PRMT2: variants seen among roughly 807,000 people sequenced by gnomAD.
PRMT2 encodes protein arginine N-methyltransferase 2.
Under a neutral mutation model 57.6 loss-of-function variants are expected in PRMT2, and 26 were observed. The ratio of observed to expected loss-of-function variants is 0.45; its 90% CI spans 0.33 to 0.63. The LOEUF (loss-of-function observed/expected upper bound fraction) is 0.63, where lower values mean the gene tolerates loss of function less well. Ranked by LOEUF, PRMT2 falls within the 20% of genes least tolerant of loss-of-function variation. The probability of loss-of-function intolerance (pLI) is 0.02; values close to 1 mark genes in which losing one functional copy is unlikely to be tolerated. For synonymous variants in PRMT2, 219 were observed against 220.0 expected (o/e 1.00, Z 0.04); for missense variants, 472 against 564.4 (o/e 0.84, Z 1.66).
At chr21:46,636,635 A>G (rs1400398390) in intron 2 of PRMT2, 88 bp downstream of exon 2, 1 of 336,082 alleles carries the variant, frequency 3.0e-6, no homozygotes, top group African/African-American at 2.2e-5. Flanking sequence ...CACCTGATCT[A>G]ACAGAAACTA....
At chr21:46,653,430 G>A in intron 7 of PRMT2, 1 of 992,100 alleles carries the variant, frequency 1.0e-6, no homozygotes, top group Non-Finnish European at 1.2e-6. Context: ...CTCCCCCTCA[G>A]CAAGACTCTG....
chr21:46,658,971 A>G (rs2061580720), intron 8 of PRMT2, 51 bp downstream of exon 8: 1 of 1,579,956 alleles, frequency 6.3e-7, no homozygotes. Flanking sequence ...CTCCTGGTCC[A>G]CAGTCTGCAG....
chr21:46,659,025 T>A, intron 8 of PRMT2, 105 bp downstream of exon 8: 1 of 1,470,910 alleles, frequency 6.8e-7, no homozygotes. Flanking sequence ...GTTGGATAAA[T>A]GAGGGTACCT....
At chr21:46,637,821 C>T (rs868303113) in intron 3 of PRMT2, among the ~76,000 whole-genome samples, 9 of 151,838 alleles carry the variant, frequency 5.9e-5, no homozygotes, top group Middle Eastern at 3.4e-3. Flanking sequence ...AAAATACTGT[C>T]GGGTGTGTCT....
chr21:46,658,933 A>C lies in PRMT2; in HGVS notation c.830+13A>C. ...TCAGCGCTCTGAAGTAAGTGTCCAC[A>C]GCTGGGACTGGCACCGTCTTGTGGG... On this transcript the variant is annotated intron_variant, in intron 8 of 11. Coordinates refer to ENST00000355680, the MANE Select transcript of PRMT2 (RefSeq NM_206962.4). 1 of 1,607,782 alleles carries C rather than the reference A, an allele frequency of 6.2e-7. No individual in the cohort carries two copies. Among genetic ancestry groups the C allele is most frequent in the Non-Finnish European group, 8.5e-7 (1 of 1,175,168 alleles).
In PRMT2 at chr21:46,649,865, G is replaced by C. The variant is rs1417989401; in HGVS notation, c.654+126G>C. ...CATTTTGATGTTTTCCCTAATGTGA[G>C]GTCTAATTAATTTCTTGTGTGGACA... On this transcript the variant is annotated intron_variant, in intron 7 of 11. Transcript: ENST00000355680. This position sits in a 1 kb window ranked among gnomAD's most constrained non-coding sequence, Gnocchi z 4.8. 6.6e-7 allele frequency: 1 copy of C among 1,505,102 alleles called. No individual in the cohort carries two copies. The highest frequency in any genetic ancestry group is 2.5e-5 in the East Asian group (1 of 40,126). The allele number at this position is 1,505,102 out of a possible 1,614,324, so 93.2% of individuals were successfully genotyped here. A position where few individuals can be genotyped will look rare whatever the true frequency, so the allele number is the denominator to read the frequency against.
intron 7 of PRMT2, 91 bp from the exon 8 acceptor site, chr21:46,658,654 G>A (rs560980207): frequency 2.0e-4 from 314 of 1,556,104 alleles, no homozygotes; most frequent in Non-Finnish European, 2.5e-4. Flanking sequence ...CTGTAGAACT[G>A]TCAGACTAGT....
Position 46,648,663 on chromosome 21 carries a change from T to C in PRMT2, c.489+44T>C. The C allele has an allele frequency of 6.2e-7, 1 of 1,600,358 alleles. No homozygotes were observed. Among genetic ancestry groups the C allele is most frequent in the South Asian group, 1.1e-5 (1 of 90,534 alleles). ...GCATCCCGGGTGTTTGTGCCGAGGCTGGTGACGTCCGAGGTGGCCTCTGAG... is the reference window on the plus strand; with the variant it reads ...GCATCCCGGGTGTTTGTGCCGAGGCCGGTGACGTCCGAGGTGGCCTCTGAG... On this transcript the variant is annotated intron_variant, in intron 6 of 11. Coordinates refer to ENST00000355680, the MANE Select transcript of PRMT2 (RefSeq NM_206962.4). This position sits in a 1 kb window ranked among gnomAD's most constrained non-coding sequence, Gnocchi z 4.8.
intron 3 of PRMT2, among the ~76,000 whole-genome samples, chr21:46,640,516 A>C (rs1016051821): frequency 7.0e-5 from 10 of 141,876 alleles, no homozygotes; most frequent in African/African-American, 2.7e-4. Flanking sequence ...ATCTCGGCTC[A>C]CTGCAAGCTC....
In PRMT2 at chr21:46,658,927, G is replaced by A. The variant is rs769311372; in HGVS notation, c.830+7G>A. The A allele has an allele frequency of 1.4e-5, 22 of 1,609,628 alleles. No homozygotes were observed. The South Asian group carries it at 1.8e-4, about 13-fold the overall frequency. On this transcript the variant is annotated splice_region_variant and intron_variant, in intron 8 of 11. Coordinates refer to ENST00000355680, the MANE Select transcript of PRMT2 (RefSeq NM_206962.4). Reference sequence around the variant, plus strand: ...TCAACCTCAGCGCTCTGAAGTAAGTGTCCACAGCTGGGACTGGCACCGTCT... The same window carrying A: ...TCAACCTCAGCGCTCTGAAGTAAGTATCCACAGCTGGGACTGGCACCGTCT...
rs1441783167 is a variant in PRMT2 at position 46,648,714 on chromosome 21, T to C, written c.489+95T>C. ...TGTGCTGACTTGTGACCCTGAGCTG[T>C]TGGGGGCTCACCGGTGACTCCATGG... On this transcript the variant is annotated intron_variant, in intron 6 of 11. Coordinates refer to ENST00000355680, the MANE Select transcript of PRMT2 (RefSeq NM_206962.4). The surrounding 1 kb of genome is among the most constrained non-coding windows in gnomAD (Gnocchi z 4.8). The C allele has an allele frequency of 2.7e-6, 4 of 1,480,948 alleles. No homozygotes were observed. Among genetic ancestry groups the C allele is most frequent in the Non-Finnish European group, 3.7e-6 (4 of 1,083,404 alleles). The allele number at this position is 1,480,948 out of a possible 1,614,324, so 91.7% of individuals were successfully genotyped here.
chr21:46,652,073 C>T, intron 7 of PRMT2: 2 of 1,592,612 alleles, frequency 1.3e-6, no homozygotes, highest in Non-Finnish European at 1.7e-6. Flanking sequence ...GGAGGGGCAG[C>T]TTTCAGTCAG....
intron 5 of PRMT2, among the ~76,000 whole-genome samples, chr21:46,645,516 C>A (rs1310207985): frequency 6.6e-6 from 1 of 152,092 alleles, no homozygotes; most frequent in Non-Finnish European, 1.5e-5. Context: ...AAATTTTTTC[C>A]CCACCATGGA....
At position 46,648,367 on chromosome 21, in the gene PRMT2, C is replaced by A; in HGVS notation, c.328-91C>A. ...CCATAGGGGTGTTGGGGTCAGGGGT[C>A]ATCAGCTGTGGCTCTGACCCTCCAT... On this transcript the variant is annotated intron_variant, in intron 5 of 11. Transcript: ENST00000355680. The surrounding 1 kb of genome is among the most constrained non-coding windows in gnomAD (Gnocchi z 4.8). 1 of 1,416,702 alleles carries A rather than the reference C, an allele frequency of 7.1e-7. No homozygotes were observed. Among genetic ancestry groups the A allele is most frequent in the South Asian group, 1.3e-5 (1 of 78,242 alleles). 87.8% of individuals were successfully genotyped at this position (1,416,702 alleles called of 1,614,324 possible).
intron 7 of PRMT2, chr21:46,654,179 G>GTTATT (rs1472983192): frequency 1.0e-6 from 1 of 965,748 alleles, no homozygotes. Flanking sequence ...AGAAATTTAT[G>GTTATT]TTAAAAAATG....
intron 7 of PRMT2, chr21:46,653,943 T>C: frequency 9.8e-7 from 1 of 1,020,586 alleles, no homozygotes; most frequent in African/African-American, 1.7e-5. Context: ...CTTGTTTTTT[T>C]TTTTTTTTGG....
intron 5 of PRMT2, 71 bp downstream of exon 5, chr21:46,644,559 C>T (rs981523734): frequency 7.6e-6 from 11 of 1,443,388 alleles, no homozygotes; most frequent in East Asian, 7.1e-5. Flanking sequence ...TCTACTGCAA[C>T]GTTCAGAGCA....
At chr21:46,659,691 T>C (rs2061591238) in intron 8 of PRMT2, 13 of 985,160 alleles carry the variant, frequency 1.3e-5, no homozygotes, top group Non-Finnish European at 1.6e-5. Context: ...TGCCAGGGCC[T>C]TAGAGGTTGG....
chr21:46,636,777 C>T (rs1278634324), intron 2 of PRMT2, 119 bp from the exon 3 acceptor site: 2 of 582,414 alleles, frequency 3.4e-6, no homozygotes, highest in East Asian at 3.0e-5. Context: ...CACTAATCTT[C>T]ACACATACAC....
Sources: allele counts gnomAD v4.1 joint callset (sites outside exome capture counted in the v4.1 genomes callset), GRCh38; gene constraint gnomAD v4.1.1; non-coding constraint Gnocchi (gnomAD v3.1); transcripts MANE v1.5; gene names NCBI Gene and HGNC (gene_info 2026-07-23, HGNC 2026-07-21).